LRMDA: variants seen among roughly 807,000 people sequenced by gnomAD.
LRMDA encodes the protein leucine-rich melanocyte differentiation-associated protein.
LRMDA carries 18 observed loss-of-function variants against 29.8 expected under a neutral mutation model. The ratio of observed to expected loss-of-function variants is 0.60; its 90% CI spans 0.42 to 0.90. The LOEUF (loss-of-function observed/expected upper bound fraction) is 0.90. Among genes scored for constraint, LRMDA ranks in the 40% least tolerant of loss-of-function variants. The pLI is 0.00. For synonymous variants in LRMDA, 125 were observed against 109.4 expected (o/e 1.14, Z -0.89); for missense variants, 273 against 273.9 (o/e 1.00, Z 0.02).
intron 2 of LRMDA, among the ~76,000 whole-genome samples, chr10:76,030,406 T>C (rs1848129706): frequency 6.6e-6 from 1 of 152,170 alleles, no homozygotes; most frequent in African/African-American, 2.4e-5. Flanking sequence ...TATATAGAGT[T>C]ACGTATCTAT....
At chr10:76,383,294 A>G (rs1313886820) in intron 6 of LRMDA, among the ~76,000 whole-genome samples, 3 of 152,034 alleles carry the variant, frequency 2.0e-5, no homozygotes, top group Non-Finnish European at 4.4e-5. Flanking sequence ...TGAACCTTCC[A>G]GTCCTTAAGT....
chr10:76,013,311 GCTTTGA>G (rs959674525), intron 2 of LRMDA, among the ~76,000 whole-genome samples: 1 of 123,520 alleles, frequency 8.1e-6, no homozygotes, highest in African/African-American at 3.1e-5. Flanking sequence ...TTTTTTTTTT[GCTTTGA>G]CTTTAACTGG....
chr10:75,797,630 T>A (rs1347157338), intron 2 of LRMDA, among the ~76,000 whole-genome samples: 2 of 152,174 alleles, frequency 1.3e-5, no homozygotes, highest in Non-Finnish European at 2.9e-5. Context: ...TCCATACAAA[T>A]GAAATAATAC....
chr10:76,503,970 A>G (rs761749905), intron 6 of LRMDA, among the ~76,000 whole-genome samples: 5 of 151,548 alleles, frequency 3.3e-5, no homozygotes, highest in Non-Finnish European at 7.4e-5. Flanking sequence ...TTAGCACTAT[A>G]AACTATCTCC....
chr10:76,003,174 C>T (rs77723794), intron 2 of LRMDA, among the ~76,000 whole-genome samples: 3,987 of 152,156 alleles, frequency 0.026, 65 homozygotes, highest in Middle Eastern at 0.048. Flanking sequence ...CCCCTGGCTG[C>T]GAGAATTGGT....
intron 5 of LRMDA, among the ~76,000 whole-genome samples, chr10:76,294,747 A>T (rs896466781): frequency 6.6e-6 from 1 of 152,242 alleles, no homozygotes; most frequent in Non-Finnish European, 1.5e-5. Flanking sequence ...CTATTATTGA[A>T]GTATGTGCTT....
At position 76,414,593 on chromosome 10, in the gene LRMDA, G is replaced by A. The variant is rs75696448; in HGVS notation, c.601+90108G>A. 4.0e-3 allele frequency among the ~76,000 whole-genome samples: 616 copies of A among 152,320 alleles called. 2 individuals carry two copies. The highest frequency in any genetic ancestry group is 0.014 in the African/African-American group (577 of 41,570). On this transcript the variant is annotated intron_variant, in intron 6 of 6. Coordinates refer to ENST00000611255, the MANE Select transcript of LRMDA (RefSeq NM_001305581.2). The stretch of plus-strand genomic sequence containing the variant: ...AAGAATAATGTTGACTGGAGTTCTT[G>A]TGGAACGCTGTCATGAGAGGGCCTG...
chr10:76,191,466 C>G (rs1589370036), intron 5 of LRMDA, among the ~76,000 whole-genome samples: 1 of 152,162 alleles, frequency 6.6e-6, no homozygotes. Flanking sequence ...CCAAACACCT[C>G]AGCCCCTGAT....
At chr10:75,962,604 G>A (rs1163632604) in intron 2 of LRMDA, among the ~76,000 whole-genome samples, 2 of 152,224 alleles carry the variant, frequency 1.3e-5, no homozygotes, top group Non-Finnish European at 2.9e-5. Flanking sequence ...AGGGATGCAA[G>A]CCTAGTAAAT....
At chr10:76,287,215 A>T (rs1171824640) in intron 5 of LRMDA, among the ~76,000 whole-genome samples, 1 of 151,952 alleles carries the variant, frequency 6.6e-6, no homozygotes, top group East Asian at 1.9e-4. Flanking sequence ...TTTATTTGCC[A>T]TCTGCCTGCC....
intron 2 of LRMDA, among the ~76,000 whole-genome samples, chr10:75,777,053 C>A (rs1843321480): frequency 6.6e-6 from 1 of 152,162 alleles, no homozygotes; most frequent in South Asian, 2.1e-4. Flanking sequence ...TTGATGGCAA[C>A]CTTGAGTGGG....
intron 2 of LRMDA, among the ~76,000 whole-genome samples, chr10:75,952,582 G>A (rs940893565): frequency 6.6e-6 from 1 of 152,130 alleles, no homozygotes; most frequent in African/African-American, 2.4e-5. Flanking sequence ...TTTTTGAGTA[G>A]AGGCCTCACT....
At chr10:76,228,605 G>A (rs1273493809) in intron 5 of LRMDA, among the ~76,000 whole-genome samples, 2 of 152,134 alleles carry the variant, frequency 1.3e-5, no homozygotes, top group African/African-American at 2.4e-5. Context: ...CCTATGCACT[G>A]AATCAATTCA....
At chr10:76,440,314 A>G (rs1191087969) in intron 6 of LRMDA, among the ~76,000 whole-genome samples, 1 of 152,214 alleles carries the variant, frequency 6.6e-6, no homozygotes, top group Non-Finnish European at 1.5e-5. Context: ...TGACTAAACA[A>G]TCACAATGCA....
chr10:75,763,970 A>T (rs1464761938), intron 2 of LRMDA, among the ~76,000 whole-genome samples: 1 of 152,168 alleles, frequency 6.6e-6, no homozygotes, highest in Non-Finnish European at 1.5e-5. Context: ...AGTTCCATCA[A>T]GGTATCAAGC....
intron 6 of LRMDA, among the ~76,000 whole-genome samples, chr10:76,460,788 A>G (rs1007656029): frequency 2.0e-5 from 3 of 152,118 alleles, no homozygotes; most frequent in Admixed American, 2.0e-4. Context: ...CTTTCCCTCT[A>G]TTTGTGGACT....
At chr10:76,238,515 G>C (rs1852204937) in intron 5 of LRMDA, among the ~76,000 whole-genome samples, 1 of 131,762 alleles carries the variant, frequency 7.6e-6, no homozygotes, top group South Asian at 2.7e-4. Context: ...CTTCTCCTCA[G>C]GTGTCTATTG....
rs1484351259 is a variant in LRMDA, at chr10:75,519,266, T to G, written c.131+80772T>G. Among the ~76,000 whole-genome samples, 5 of 152,218 alleles carry G rather than the reference T, an allele frequency of 3.3e-5. No individual in the cohort carries two copies. The East Asian group carries it at 9.6e-4, about 29-fold the overall frequency. ...CATGTCCTGGATATCCCTGTTAATT[T>G]CCTGTCTCGTTGATCTAATATTGAC... On this transcript the variant is annotated intron_variant, in intron 2 of 6. Transcript: ENST00000611255.
chr10:75,599,789 T>C lies in LRMDA; in HGVS notation c.131+161295T>C, dbSNP rs935714396. Among the ~76,000 whole-genome samples the C allele has an allele frequency of 3.9e-5, 6 of 152,332 alleles. No individual in the cohort carries two copies. In the South Asian group the frequency reaches 1.2e-3, roughly 32 times the overall value. Reference sequence around the variant, plus strand: ...CCGAATTTTAAATTTTATTTGCTTTTAATTAACATTGAAATAGCCACATGT... The same window carrying C: ...CCGAATTTTAAATTTTATTTGCTTTCAATTAACATTGAAATAGCCACATGT... On this transcript the variant is annotated intron_variant, in intron 2 of 6. Coordinates refer to ENST00000611255, the MANE Select transcript of LRMDA (RefSeq NM_001305581.2).
Sources: gnomAD v4.1 joint callset for allele counts (sites outside exome capture counted in the v4.1 genomes callset) on GRCh38, gnomAD v4.1.1 for gene constraint, MANE v1.5 for transcripts, NCBI Gene and HGNC (gene_info 2026-07-23, HGNC 2026-07-21) for gene names.